MINK1: variants seen among roughly 807,000 people sequenced by gnomAD.
The protein encoded by MINK1 is misshapen-like kinase 1.
In MINK1, 46 loss-of-function variants were observed where a neutral mutation model predicts 178.4. That is an observed-to-expected ratio of 0.26 (90% confidence interval 0.20 to 0.33). MINK1 has a LOEUF of 0.33. MINK1 is among the 10% of genes least tolerant of loss of function. MINK1 has a pLI of 1.00. For synonymous variants in MINK1, 797 were observed against 709.7 expected (o/e 1.12, Z -1.96); for missense variants, 1,366 against 1,814.9 (o/e 0.75, Z 4.49).
chr17:4,851,386 T>C (rs1911924174), intron 1 of MINK1, among the ~76,000 whole-genome samples: 1 of 152,198 alleles, frequency 6.6e-6, no homozygotes, highest in African/African-American at 2.4e-5. Flanking sequence ...CAGTAAACAC[T>C]AAGCACCATC....
At position 4,890,609 on chromosome 17, in the gene MINK1, GCAGCAGCAA is replaced by G; in HGVS notation, c.1449_1457del (p.Gln485_Gln487del). The G allele has an allele frequency of 6.4e-7, 1 of 1,562,894 alleles. No individual in the cohort carries two copies. The highest frequency in any genetic ancestry group is 8.7e-7 in the Non-Finnish European group (1 of 1,154,492). ...AGCATGCCTACCTCAAGTCCCTGCAGCAGCAGCAACAGCAGCAGCAGCTTCAGAAACAGC... is the reference window on the plus strand; with the variant it reads ...AGCATGCCTACCTCAAGTCCCTGCAGCAGCAGCAGCAGCTTCAGAAACAGC... On this transcript the variant is annotated inframe_deletion, in exon 14 of 32. Transcript: ENST00000355280.
Position 4,889,769 on chromosome 17 carries a change from G to C in MINK1, c.1347+6G>C. 3 of 1,527,822 alleles carry C rather than the reference G, an allele frequency of 2.0e-6. No homozygotes were observed. The highest frequency in any genetic ancestry group is 2.6e-6 in the Non-Finnish European group (3 of 1,140,112). 94.6% of individuals were successfully genotyped at this position (1,527,822 alleles called of 1,614,324 possible). ...GGCAGGCGGAGCGCGAGCAGGTAGA[G>C]CGCCGCACCCGCATCCCTGCCCTCC... On this transcript the variant is annotated splice_donor_region_variant and intron_variant, in intron 13 of 31. Coordinates refer to ENST00000355280, the MANE Select transcript of MINK1 (RefSeq NM_153827.5).
chr17:4,833,611 C>G lies in MINK1; in HGVS notation c.28C>G (p.Leu10Val). 6.7e-7 allele frequency: 1 copy of G among 1,502,270 alleles called. No homozygotes were observed. The highest frequency in any genetic ancestry group is 8.8e-7 in the Non-Finnish European group (1 of 1,132,326). The allele number at this position is 1,502,270 out of a possible 1,614,324, so 93.1% of individuals were successfully genotyped here. A position where few individuals can be genotyped will look rare whatever the true frequency, so the allele number is the denominator to read the frequency against. MGDPAPARSLDDIDLSALRD... is the reference protein window; with the variant it reads MGDPAPARSVDDIDLSALRD... ...GGGCGACCCAGCCCCCGCCCGCAGC[C>G]TGGACGACATCGACCTGTCCGCCCT... Residue 10 changes from leucine to valine, a missense_variant, in exon 1 of 32, where the codon CTG (leucine) becomes GTG (valine). Physicochemically the swap from Leu to Val is conservative, Grantham distance 32. Transcript: ENST00000355280. The surrounding 1 kb of genome is among the most constrained non-coding windows in gnomAD (Gnocchi z 4.8).
In MINK1 at chr17:4,890,614, A is replaced by T; in HGVS notation, c.1445A>T (p.Gln482Leu). ...GCCTACCTCAAGTCCCTGCAGCAGC[A>T]GCAACAGCAGCAGCAGCTTCAGAAA... ...EHAYLKSLQQ[Q>L]QQQQQLQKQQ... Residue 482 changes from glutamine to leucine, a missense_variant, in exon 14 of 32, where the codon CAG (glutamine) becomes CTG (leucine). Around this residue, in one of 14 missense-constraint regions of MINK1, gnomAD observed 11 missense variants for 28.5 expected, o/e 0.39. Transcript: ENST00000355280. The T allele has an allele frequency of 6.4e-7, 1 of 1,559,016 alleles. No homozygotes were observed. The highest frequency in any genetic ancestry group is 8.7e-7 in the Non-Finnish European group (1 of 1,152,004).
chr17:4,865,006 A>G (rs779107193), intron 1 of MINK1, among the ~76,000 whole-genome samples: 5 of 152,206 alleles, frequency 3.3e-5, no homozygotes, highest in Non-Finnish European at 7.3e-5. Flanking sequence ...TTCCACGACC[A>G]AAACCTTCCT....
At chr17:4,879,626 G>GC (rs1967516446) in intron 2 of MINK1, among the ~76,000 whole-genome samples, 1 of 152,190 alleles carries the variant, frequency 6.6e-6, no homozygotes, top group African/African-American at 2.4e-5. Flanking sequence ...CCTCCATCCT[G>GC]CTCGTCCCCA....
At position 4,885,625 on chromosome 17, in the gene MINK1, A is replaced by G. The variant is rs771930022; in HGVS notation, c.639+12A>G. 15 of 1,613,644 alleles carry G rather than the reference A, an allele frequency of 9.3e-6. No individual in the cohort carries two copies. The highest frequency in any genetic ancestry group is 1.7e-5 in the Admixed American group (1 of 59,978). On this transcript the variant is annotated intron_variant, in intron 7 of 31. Transcript: ENST00000355280. The surrounding 1 kb of genome is among the most constrained non-coding windows in gnomAD (Gnocchi z 5.0). ...CCTATGATTACAGGGTATGGAGTGG[A>G]AAGTTGGGAGCATGGGGGCTGCCAA...
rs764102499 is a variant in MINK1, at chr17:4,893,018, G to A, written c.2351G>A (p.Gly784Glu). 4 of 1,580,716 alleles carry A rather than the reference G, an allele frequency of 2.5e-6. No individual in the cohort carries two copies. The highest frequency in any genetic ancestry group is 1.8e-5 in the Admixed American group (1 of 55,062). The part of the protein sequence containing the change: ...KPDSSPVLSP[G>E]NKAKPDDHRS... ...GACAGCTCCCCTGTGCTCTCCCCTG[G>A]GAATAAAGCCAAGCCCGACGACCAC... Residue 784 changes from glycine to glutamate, a missense_variant, in exon 20 of 32, where the codon GGG becomes GAG. Physicochemically the swap from Gly to Glu is moderately conservative, Grantham distance 98. Transcript: ENST00000355280.
intron 1 of MINK1, among the ~76,000 whole-genome samples, chr17:4,835,929 G>A (rs1394463880): frequency 1.3e-5 from 2 of 152,124 alleles, no homozygotes; most frequent in African/African-American, 4.8e-5. Flanking sequence ...GCCTTAAGCT[G>A]CTTAAGAAAG....
rs1555539684 is a variant in MINK1 at position 4,887,670 on chromosome 17, A to ACAG, written c.1121_1123dup (p.Gln374dup). On this transcript the variant is annotated inframe_insertion, in exon 12 of 32. Coordinates refer to ENST00000355280, the MANE Select transcript of MINK1 (RefSeq NM_153827.5). This position sits in a 1 kb window ranked among gnomAD's most constrained non-coding sequence, Gnocchi z 7.6. ...ATAAGAGCAACTCAGAGGCTTTAAAACAGCAGCAGCAGCTGCAGCAGCAGC... is the reference window on the plus strand; with the variant it reads ...ATAAGAGCAACTCAGAGGCTTTAAAACAGCAGCAGCAGCAGCTGCAGCAGCAGC... 12 of 1,566,734 alleles carry ACAG rather than the reference A, an allele frequency of 7.7e-6. No individual in the cohort carries two copies. In the East Asian group the frequency reaches 1.9e-4, roughly 25 times the overall value.
chr17:4,891,050 C>A lies in MINK1; in HGVS notation c.1666C>A (p.Pro556Thr). ...GPEPPIPQAS[P>T]GPPGPLSQTP... The stretch of plus-strand genomic sequence containing the variant: ...TGAGCCCCCCATCCCCCAGGCCTCC[C>A]CAGGGCCCCCAGGACCCCTTTCCCA... Residue 556 changes from proline to threonine, a missense_variant, in exon 15 of 32, where the codon CCA becomes ACA. Pro to Thr is a conservative substitution (Grantham distance 38). Around this residue, in one of 14 missense-constraint regions of MINK1, gnomAD observed 709 missense variants for 692.3 expected, o/e 1.02. Coordinates refer to ENST00000355280, the MANE Select transcript of MINK1 (RefSeq NM_153827.5). 1 of 1,554,408 alleles carries A rather than the reference C, an allele frequency of 6.4e-7. No individual in the cohort carries two copies.
rs199639564 is a variant in MINK1, at chr17:4,897,162, C to T, written c.3916-42C>T. On this transcript the variant is annotated intron_variant, in intron 31 of 31. Transcript: ENST00000355280. The stretch of plus-strand genomic sequence containing the variant: ...TCCCTCTCCCAGTTGAGACACCCCC[C>T]CAACCTCAGCCCTTGGTGACTTCTT... 298 of 1,562,894 alleles carry T rather than the reference C, an allele frequency of 1.9e-4. 1 individual carries two copies. In the African/African-American group the frequency reaches 3.8e-3, roughly 20 times the overall value.
chr17:4,855,864 C>G (rs889410214), intron 1 of MINK1, among the ~76,000 whole-genome samples: 8 of 151,412 alleles, frequency 5.3e-5, no homozygotes, highest in African/African-American at 1.9e-4. Context: ...ATCCCAGCTA[C>G]TCAGGAGGCT....
chr17:4,896,937 CAGA>C lies in MINK1; in HGVS notation c.3915+125_3915+127del, dbSNP rs1969576463. On this transcript the variant is annotated intron_variant, in intron 31 of 31. Transcript: ENST00000355280. This position sits in a 1 kb window ranked among gnomAD's most constrained non-coding sequence, Gnocchi z 4.6. ...CTGAAAGCGGGCCCCTCTGGGAGCT[CAGA>C]GGGCAGTCAGCCACTACCACTGCCC... 3.1e-5 allele frequency: 41 copies of C among 1,336,100 alleles called. No homozygotes were observed. The South Asian group carries it at 5.9e-4, about 19-fold the overall frequency. 82.8% of individuals were successfully genotyped at this position (1,336,100 alleles called of 1,614,324 possible).
At chr17:4,869,786 A>G (rs1027817359) in intron 1 of MINK1, among the ~76,000 whole-genome samples, 2 of 140,516 alleles carry the variant, frequency 1.4e-5, no homozygotes, top group African/African-American at 5.2e-5. Flanking sequence ...TTTTATTTTT[A>G]TTTATTCATT....
chr17:4,859,291 C>G (rs988580593), intron 1 of MINK1: 59 of 985,186 alleles, frequency 6.0e-5, no homozygotes, highest in Non-Finnish European at 7.0e-5. Context: ...TTTCCAGCAC[C>G]GAAATTCAAG....
At position 4,895,636 on chromosome 17, in the gene MINK1, G is replaced by A; in HGVS notation, c.3230-62G>A. ...TGGTATGCTGACAGAGGAGGCCAGG[G>A]CGGTGGCATTCGGGCCTCAGATGAG... On this transcript the variant is annotated intron_variant, in intron 26 of 31. Transcript: ENST00000355280. The surrounding 1 kb of genome is among the most constrained non-coding windows in gnomAD (Gnocchi z 4.3). 1 of 1,590,894 alleles carries A rather than the reference G, an allele frequency of 6.3e-7. No individual in the cohort carries two copies. The highest frequency in any genetic ancestry group is 8.6e-7 in the Non-Finnish European group (1 of 1,166,540).
At chr17:4,856,473 C>CT (rs1913169240) in intron 1 of MINK1, among the ~76,000 whole-genome samples, 1 of 151,862 alleles carries the variant, frequency 6.6e-6, no homozygotes, top group South Asian at 2.1e-4. Context: ...CATCTGAGAA[C>CT]TTTATCAGAC....
chr17:4,886,060 G>A lies in MINK1; in HGVS notation c.695-60G>A. 6.2e-7 allele frequency: 1 copy of A among 1,610,672 alleles called. No homozygotes were observed. Among genetic ancestry groups the A allele is most frequent in the South Asian group, 1.1e-5 (1 of 91,010 alleles). On this transcript the variant is annotated intron_variant, in intron 8 of 31. Coordinates refer to ENST00000355280, the MANE Select transcript of MINK1 (RefSeq NM_153827.5). This position sits in a 1 kb window ranked among gnomAD's most constrained non-coding sequence, Gnocchi z 6.1. ...AGGTGGGTCCTGGGACCCTGCCGAGGAAGGGTCCTGTAGCTCCCAGTGCAG... is the reference window on the plus strand; with the variant it reads ...AGGTGGGTCCTGGGACCCTGCCGAGAAAGGGTCCTGTAGCTCCCAGTGCAG...
Sources: allele counts gnomAD v4.1 joint callset (sites outside exome capture counted in the v4.1 genomes callset), GRCh38; gene constraint gnomAD v4.1.1; regional missense constraint gnomAD v4.1.1; non-coding constraint Gnocchi (gnomAD v3.1); transcripts MANE v1.5; gene names NCBI Gene and HGNC (gene_info 2026-07-23, HGNC 2026-07-21).